UACA: variants seen among roughly 807,000 people sequenced by gnomAD.
UACA encodes the protein uveal autoantigen with coiled-coil domains and ankyrin repeats.
Under a neutral mutation model 160.5 loss-of-function variants are expected in UACA, and 112 were observed. The observed-to-expected ratio is 0.70, with a 90% confidence interval of 0.60 to 0.82. UACA has a LOEUF of 0.82. UACA is among the 40% of genes least tolerant of loss of function. The pLI, the probability that UACA is intolerant of heterozygous loss-of-function variation, is 0.00. For missense variants in UACA, 1,574 were observed against 1,614.6 expected, an observed-to-expected ratio of 0.97 and a Z score of 0.43; for synonymous variants, 557 against 568.4, an observed-to-expected ratio of 0.98 and a Z score of 0.29.
At chr15:70,749,356 C>T (rs1899810858) in intron 1 of UACA, 2 of 195,042 alleles carry the variant, frequency 1.0e-5, no homozygotes, top group Non-Finnish European at 2.2e-5. Context: ...GAAACCCCGT[C>T]TCTACTAAAA....
chr15:70,674,297 G>A (rs1380523315), intron 13 of UACA, among the ~76,000 whole-genome samples: 2 of 152,096 alleles, frequency 1.3e-5, no homozygotes, highest in African/African-American at 4.8e-5. Context: ...AGTGACTGAG[G>A]AAAATGTCCC....
chr15:70,658,406 C>G (rs1337523635), intron 18 of UACA, among the ~76,000 whole-genome samples: 1 of 152,148 alleles, frequency 6.6e-6, no homozygotes, highest in Non-Finnish European at 1.5e-5. Flanking sequence ...CAAAATTTCC[C>G]TCTACAGAGA....
chr15:70,739,817 G>A (rs1445419380), intron 1 of UACA, among the ~76,000 whole-genome samples: 3 of 152,132 alleles, frequency 2.0e-5, no homozygotes, highest in African/African-American at 7.2e-5. Context: ...AAACAGAGTT[G>A]TTTCTCTCCA....
At chr15:70,675,160 C>G (rs563449188) in intron 13 of UACA, among the ~76,000 whole-genome samples, 2 of 152,302 alleles carry the variant, frequency 1.3e-5, no homozygotes, top group Admixed American at 6.5e-5. Context: ...AACCTCCTTA[C>G]CTGTGAAGTC....
chr15:70,736,989 A>G (rs930886787), intron 1 of UACA, among the ~76,000 whole-genome samples: 3 of 152,196 alleles, frequency 2.0e-5, no homozygotes, highest in Non-Finnish European at 4.4e-5. Flanking sequence ...CTAACTCAGG[A>G]CACTCTTTGG....
chr15:70,724,460 A>AT (rs903401739), intron 1 of UACA, among the ~76,000 whole-genome samples: 7 of 151,916 alleles, frequency 4.6e-5, no homozygotes, highest in Admixed American at 1.3e-4. Flanking sequence ...CTCAGTTTTA[A>AT]TTTTTTTTCA....
At chr15:70,751,865 CT>C (rs1223965979) in intron 1 of UACA, among the ~76,000 whole-genome samples, 4 of 152,040 alleles carry the variant, frequency 2.6e-5, no homozygotes, top group South Asian at 2.1e-4. Context: ...TCATAAAGTG[CT>C]TTTTTAAAAT....
intron 1 of UACA, among the ~76,000 whole-genome samples, chr15:70,743,777 AG>A (rs765832755): frequency 2.0e-5 from 3 of 152,340 alleles, no homozygotes; most frequent in Non-Finnish European, 4.4e-5. Flanking sequence ...TGAAAATAAA[AG>A]TTGGTGCCAA....
At chr15:70,766,785 TG>T (rs1284460843), upstream of UACA, among the ~76,000 whole-genome samples, 2 of 152,196 alleles carry the variant, frequency 1.3e-5, no homozygotes, top group Admixed American at 1.3e-4. Context: ...ATCCATTCAA[TG>T]AATACCAACA....
chr15:70,727,108 C>T (rs1004167362), intron 1 of UACA, among the ~76,000 whole-genome samples: 5 of 152,144 alleles, frequency 3.3e-5, no homozygotes, highest in African/African-American at 1.2e-4. Flanking sequence ...GAAAAATATG[C>T]AGCTTTTTCT....
At chr15:70,666,008 G>A (rs1313276684) in intron 16 of UACA, among the ~76,000 whole-genome samples, 1 of 152,190 alleles carries the variant, frequency 6.6e-6, no homozygotes, top group African/African-American at 2.4e-5. Context: ...TTAAAGCTAA[G>A]ATGGAAAGTT....
chr15:70,748,066 T>G (rs1899764898), intron 1 of UACA, among the ~76,000 whole-genome samples: 1 of 152,198 alleles, frequency 6.6e-6, no homozygotes, highest in Non-Finnish European at 1.5e-5. Context: ...TAGTACTGTA[T>G]GTATACACCT....
chr15:70,682,873 T>C, intron 8 of UACA, 78 bp from the exon 9 acceptor site: 1 of 836,658 alleles, frequency 1.2e-6, no homozygotes, highest in Non-Finnish European at 1.8e-6. Flanking sequence ...ACTATACAAT[T>C]GAGTCAATAT....
intron 1 of UACA, among the ~76,000 whole-genome samples, chr15:70,750,664 T>C (rs1410483605): frequency 6.6e-6 from 1 of 152,146 alleles, no homozygotes; most frequent in Middle Eastern, 3.2e-3. Flanking sequence ...CCCTCAGGCG[T>C]TCGAGACCAG....
intron 1 of UACA, chr15:70,748,794 A>C (rs892196103): frequency 6.6e-6 from 1 of 152,550 alleles, no homozygotes; most frequent in Non-Finnish European, 1.5e-5. Context: ...AAGTGTTTAT[A>C]AGTGAGATAT....
intron 1 of UACA, among the ~76,000 whole-genome samples, chr15:70,709,486 T>C (rs1285622689): frequency 6.6e-6 from 1 of 152,156 alleles, no homozygotes; most frequent in Admixed American, 6.5e-5. Flanking sequence ...TTGTAACTAT[T>C]CCAGATATAT....
chr15:70,744,605 C>G (rs1388828209), intron 1 of UACA, among the ~76,000 whole-genome samples: 1 of 152,116 alleles, frequency 6.6e-6, no homozygotes, highest in East Asian at 1.9e-4. Context: ...AAAGGTAAGA[C>G]AGTCTGCAAG....
At chr15:70,766,573 T>C (rs2031014023), upstream of UACA, among the ~76,000 whole-genome samples, 1 of 152,220 alleles carries the variant, frequency 6.6e-6, no homozygotes. Flanking sequence ...CAAGTTGATC[T>C]GCTTACCACC....
intron 1 of UACA, among the ~76,000 whole-genome samples, chr15:70,740,466 AT>A (rs1366296550): frequency 3.8e-5 from 5 of 130,886 alleles, no homozygotes; most frequent in Admixed American, 3.1e-4. Context: ...AAAAAAAAAA[AT>A]TCAATCTATC....
Sources: gnomAD v4.1 joint callset for allele counts (sites outside exome capture counted in the v4.1 genomes callset) on GRCh38, gnomAD v4.1.1 for gene constraint, MANE v1.5 for transcripts, NCBI Gene and HGNC (gene_info 2026-07-23, HGNC 2026-07-21) for gene names.